Variants in CREB5 observed in about 807,000 individuals in gnomAD.
The protein encoded by CREB5 is cAMP responsive element binding protein 5, also known as cyclic AMP-responsive element-binding protein 5.
A neutral mutation model predicts 57.1 loss-of-function variants in CREB5; 19 were observed. The observed-to-expected ratio is 0.33, with a 90% confidence interval of 0.23 to 0.49. The LOEUF is 0.49. CREB5 is among the 20% of genes least tolerant of loss of function. The pLI, the probability that CREB5 is intolerant of heterozygous loss-of-function variation, is 0.99. For missense variants in CREB5, 579 were observed against 671.6 expected, an observed-to-expected ratio of 0.86 and a Z score of 1.52; for synonymous variants, 238 against 238.3, an observed-to-expected ratio of 1.00 and a Z score of 0.01.
At chr7:28,309,962 G>T (rs1320692831) in intron 1 of CREB5, among the ~76,000 whole-genome samples, 1 of 102,136 alleles carries the variant, frequency 9.8e-6, no homozygotes, top group Non-Finnish European at 2.2e-5. Flanking sequence ...AGGGCTAAGT[G>T]GGGGGTCCAG....
Position 28,505,999 on chromosome 7 carries a change from G to C in CREB5, c.170-1617G>C, listed in dbSNP as rs6968688. The stretch of plus-strand genomic sequence containing the variant: ...ATCTGTAATGCCGAATTTACGAACA[G>C]CTGTGGTATGCTCTCTGTGAAATGC... On this transcript the variant is annotated intron_variant, in intron 3 of 10. Coordinates refer to ENST00000357727, the MANE Select transcript of CREB5 (RefSeq NM_182898.4). Among the ~76,000 whole-genome samples, 1,083 of 152,290 alleles carry C rather than the reference G, an allele frequency of 7.1e-3. 16 individuals carry two copies. Among genetic ancestry groups the C allele is most frequent in the African/African-American group, 0.024 (1,001 of 41,560 alleles).
At chr7:28,714,473 C>T (rs1378234099) in intron 5 of CREB5, among the ~76,000 whole-genome samples, 3 of 152,170 alleles carry the variant, frequency 2.0e-5, no homozygotes, top group Admixed American at 2.0e-4. Context: ...TGGAGAGACC[C>T]CTTCGCACCT....
chr7:28,661,973 A>T (rs1037639473), intron 5 of CREB5, among the ~76,000 whole-genome samples: 2 of 152,230 alleles, frequency 1.3e-5, no homozygotes, highest in African/African-American at 4.8e-5. Flanking sequence ...AATAGGGAAC[A>T]CAGTTCTTTG....
chr7:28,751,636 G>A (rs1804979181), intron 7 of CREB5, among the ~76,000 whole-genome samples: 1 of 152,112 alleles, frequency 6.6e-6, no homozygotes, highest in Non-Finnish European at 1.5e-5. Flanking sequence ...TAAACTAATG[G>A]AAAAGTCGCA....
intron 1 of CREB5, among the ~76,000 whole-genome samples, chr7:28,376,359 C>T (rs749344000): frequency 2.0e-5 from 3 of 150,438 alleles, no homozygotes; most frequent in Non-Finnish European, 4.4e-5. Context: ...ACCTTCACCT[C>T]CTGGGTTCAA....
At chr7:28,456,042 C>T (rs1043522490) in intron 1 of CREB5, among the ~76,000 whole-genome samples, 7 of 152,210 alleles carry the variant, frequency 4.6e-5, no homozygotes, top group African/African-American at 9.6e-5. Flanking sequence ...ATCGCATTTT[C>T]TCTGTGCTCT....
intron 5 of CREB5, among the ~76,000 whole-genome samples, chr7:28,637,909 A>G (rs41312): frequency 0.58 from 88,664 of 152,030 alleles, 26,923 homozygotes; most frequent in African/African-American, 0.74. Flanking sequence ...CTAGGTATGG[A>G]AATGAAAAGG....
intron 4 of CREB5, among the ~76,000 whole-genome samples, chr7:28,537,890 A>G (rs1313037684): frequency 1.3e-5 from 2 of 152,266 alleles, no homozygotes; most frequent in South Asian, 2.1e-4. Flanking sequence ...CTCTATCTTG[A>G]TGTACAGGAA....
At chr7:28,732,618 G>C (rs999785454) in intron 7 of CREB5, among the ~76,000 whole-genome samples, 3 of 151,956 alleles carry the variant, frequency 2.0e-5, no homozygotes, top group Non-Finnish European at 2.9e-5. Context: ...ATATATTTTG[G>C]TCATTTTCTT....
intron 1 of CREB5, among the ~76,000 whole-genome samples, chr7:28,307,727 A>G (rs1052315739): frequency 1.3e-5 from 2 of 152,206 alleles, no homozygotes; most frequent in Middle Eastern, 3.2e-3. Context: ...GCTGAGCACA[A>G]TGTGCCTGGC....
chr7:28,585,159 C>G (rs879309646), intron 5 of CREB5, among the ~76,000 whole-genome samples: 2 of 152,314 alleles, frequency 1.3e-5, no homozygotes, highest in African/African-American at 4.8e-5. Flanking sequence ...TTCTGAAGCA[C>G]ACACTTCTTG....
At chr7:28,632,886 C>T (rs957565375) in intron 5 of CREB5, among the ~76,000 whole-genome samples, 4 of 151,966 alleles carry the variant, frequency 2.6e-5, no homozygotes, top group African/African-American at 7.3e-5. Context: ...ATAGAAACAC[C>T]GTAAGTTCAA....
intron 7 of CREB5, among the ~76,000 whole-genome samples, chr7:28,747,564 T>C: frequency 6.6e-6 from 1 of 152,190 alleles, no homozygotes; most frequent in Admixed American, 6.5e-5. Context: ...GGACTCACCT[T>C]TCTGCTCCGA....
intron 5 of CREB5, among the ~76,000 whole-genome samples, chr7:28,620,880 A>G (rs1797767411): frequency 6.6e-6 from 1 of 152,208 alleles, no homozygotes; most frequent in Admixed American, 6.5e-5. Flanking sequence ...TTAAAGAATA[A>G]AGGAATACTT....
At chr7:28,694,763 T>A (rs1370781631) in intron 5 of CREB5, among the ~76,000 whole-genome samples, 1 of 152,110 alleles carries the variant, frequency 6.6e-6, no homozygotes, top group Non-Finnish European at 1.5e-5. Context: ...CCCAGGCTAG[T>A]CTCAGATTCC....
chr7:28,442,695 T>A (rs565947284), intron 1 of CREB5, among the ~76,000 whole-genome samples: 4 of 152,188 alleles, frequency 2.6e-5, no homozygotes, highest in Non-Finnish European at 5.9e-5. Flanking sequence ...GATTTGCATT[T>A]TCCTTTATGA....
At chr7:28,381,188 C>T (rs1240158508) in intron 1 of CREB5, among the ~76,000 whole-genome samples, 1 of 152,150 alleles carries the variant, frequency 6.6e-6, no homozygotes, top group Admixed American at 6.5e-5. Context: ...TTAGGGTGAA[C>T]ATGACTTACA....
intron 5 of CREB5, among the ~76,000 whole-genome samples, chr7:28,608,021 C>T (rs961206456): frequency 2.6e-5 from 4 of 151,690 alleles, no homozygotes; most frequent in African/African-American, 9.7e-5. Flanking sequence ...TTAATCGTGG[C>T]ATCAGGGCAC....
intron 5 of CREB5, among the ~76,000 whole-genome samples, chr7:28,717,030 A>G (rs1255964062): frequency 1.3e-5 from 2 of 151,894 alleles, no homozygotes; most frequent in African/African-American, 4.8e-5. Context: ...TTCTACTAAT[A>G]CAACTGAGTG....
Sources: gnomAD v4.1 joint callset for allele counts (sites outside exome capture counted in the v4.1 genomes callset) on GRCh38, gnomAD v4.1.1 for gene constraint, MANE v1.5 for transcripts, NCBI Gene and HGNC (gene_info 2026-07-23, HGNC 2026-07-21) for gene names.